Variants in NPAS2 observed in about 807,000 individuals in gnomAD.
NPAS2 encodes neuronal PAS domain-containing protein 2.
NPAS2 carries 23 observed loss-of-function variants against 107.5 expected under a neutral mutation model. The observed-to-expected ratio is 0.21, with a 90% CI of 0.15 to 0.30. NPAS2 has a LOEUF of 0.30. Among genes scored for constraint, NPAS2 ranks in the 10% least tolerant of loss-of-function variants. NPAS2 has a pLI of 1.00. For missense variants in NPAS2, 756 were observed against 1,043.3 expected, an observed-to-expected ratio of 0.72 and a Z score of 3.79; for synonymous variants, 403 against 417.5, an observed-to-expected ratio of 0.97 and a Z score of 0.42.
At chr2:100,829,381 G>C (rs190347236) in intron 1 of NPAS2, among the ~76,000 whole-genome samples, 13 of 152,202 alleles carry the variant, frequency 8.5e-5, no homozygotes, top group African/African-American at 3.1e-4. Context: ...TCGAACTCCT[G>C]ACCTCAAGTG....
chr2:100,878,179 G>A, intron 1 of NPAS2: 1 of 985,418 alleles, frequency 1.0e-6, no homozygotes, highest in Non-Finnish European at 1.2e-6. Context: ...AGTGCGTGTG[G>A]CCGTGCAAGG....
intron 4 of NPAS2, among the ~76,000 whole-genome samples, chr2:100,937,153 G>C (rs76818222): frequency 2.0e-5 from 3 of 152,084 alleles, no homozygotes; most frequent in African/African-American, 7.2e-5. Flanking sequence ...AAATGCTTAC[G>C]GATCCAGTTG....
At chr2:100,885,140 T>C (rs1048204364) in intron 1 of NPAS2, among the ~76,000 whole-genome samples, 3 of 152,038 alleles carry the variant, frequency 2.0e-5, no homozygotes, top group East Asian at 1.9e-4. Flanking sequence ...TTAGTAGAGA[T>C]GGGGTTTCAC....
rs374684990 is a variant in NPAS2 at position 100,881,966 on chromosome 2, G to A, written c.-22-22767G>A. On this transcript the variant is annotated intron_variant, in intron 1 of 20. Coordinates refer to ENST00000335681, the MANE Select transcript of NPAS2 (RefSeq NM_002518.4). Reference sequence around the variant, plus strand: ...CAGTGCCCTGCCCGGAGCCCAGGCTGGGTAATTATTGGGTATGCTGAAACT... The same window carrying A: ...CAGTGCCCTGCCCGGAGCCCAGGCTAGGTAATTATTGGGTATGCTGAAACT... 1.4e-4 allele frequency among the ~76,000 whole-genome samples: 22 copies of A among 152,348 alleles called. 1 individual carries two copies. The South Asian group carries it at 3.9e-3, about 27-fold the overall frequency.
rs188670635 is a variant in NPAS2 at position 100,914,857 on chromosome 2, G to A, written c.32+10071G>A. Among the ~76,000 whole-genome samples, 21 of 152,328 alleles carry A rather than the reference G, an allele frequency of 1.4e-4. No individual in the cohort carries two copies. The East Asian group carries it at 3.3e-3, about 24-fold the overall frequency. On this transcript the variant is annotated intron_variant, in intron 2 of 20. Transcript: ENST00000335681. ...CAGAATGCATGAAACAGCCATTTGA[G>A]GACCCTGAAGAGTAAATAGTAGGGT...
At chr2:100,893,693 A>G (rs1305828640) in intron 1 of NPAS2, among the ~76,000 whole-genome samples, 1 of 152,226 alleles carries the variant, frequency 6.6e-6, no homozygotes, top group African/African-American at 2.4e-5. Context: ...ATTCTTTAAC[A>G]TGGTTTGGCA....
chr2:100,907,489 A>AACAC (rs55951417), intron 2 of NPAS2, among the ~76,000 whole-genome samples: 54,928 of 144,514 alleles, frequency 0.38, 11,623 homozygotes, highest in Non-Finnish European at 0.51. Context: ...AACACTTGGG[A>AACAC]ACACACACAC....
chr2:100,901,066 A>T (rs1681740051), intron 1 of NPAS2, among the ~76,000 whole-genome samples: 1 of 152,032 alleles, frequency 6.6e-6, no homozygotes, highest in African/African-American at 2.4e-5. Flanking sequence ...ACATTTATTA[A>T]TTGGAATCTT....
chr2:100,857,507 G>A (rs1678654344), intron 1 of NPAS2, among the ~76,000 whole-genome samples: 1 of 152,122 alleles, frequency 6.6e-6, no homozygotes, highest in Non-Finnish European at 1.5e-5. Context: ...ATGTGGCCAT[G>A]GGGCTTCCTG....
chr2:100,955,052 AT>A (rs1675488159), intron 7 of NPAS2, among the ~76,000 whole-genome samples: 1 of 151,852 alleles, frequency 6.6e-6, no homozygotes, highest in African/African-American at 2.4e-5. Flanking sequence ...TAATTTTTGT[AT>A]TTTTAGTAGA....
At chr2:100,952,421 G>A (rs948168598) in intron 7 of NPAS2, among the ~76,000 whole-genome samples, 2 of 151,332 alleles carry the variant, frequency 1.3e-5, no homozygotes, top group South Asian at 2.1e-4. Context: ...AAAATTAGCC[G>A]GGCATGATGG....
Position 100,976,960 on chromosome 2 carries a change from T to G in NPAS2, c.1393-750T>G, listed in dbSNP as rs982074961. 5 of 152,084 alleles carry G rather than the reference T, an allele frequency of 3.3e-5. No homozygotes were observed. The highest frequency in any genetic ancestry group is 9.7e-5 in the African/African-American group (4 of 41,396). 9.4% of individuals were successfully genotyped at this position (152,084 alleles called of 1,614,324 possible). A position where few individuals can be genotyped will look rare whatever the true frequency, so the allele number is the denominator to read the frequency against. On this transcript the variant is annotated intron_variant, in intron 14 of 20. Coordinates refer to ENST00000335681, the MANE Select transcript of NPAS2 (RefSeq NM_002518.4). The surrounding 1 kb of genome is among the most constrained non-coding windows in gnomAD (Gnocchi z 4.1). ...GCTGTCCTGGGTGACACTTTCCATT[T>G]GAGCTGCTTTTTTATATAGGCCCTA...
chr2:100,886,774 G>A (rs1680727416), intron 1 of NPAS2, among the ~76,000 whole-genome samples: 1 of 152,154 alleles, frequency 6.6e-6, no homozygotes, highest in Non-Finnish European at 1.5e-5. Context: ...ATGAATTCAT[G>A]AACAAAGGCC....
chr2:100,919,710 C>A (rs1204751930), intron 2 of NPAS2, among the ~76,000 whole-genome samples: 1 of 152,182 alleles, frequency 6.6e-6, no homozygotes, highest in Non-Finnish European at 1.5e-5. Context: ...TGCCTCCCCA[C>A]CCTATCCTTT....
intron 1 of NPAS2, among the ~76,000 whole-genome samples, chr2:100,897,764 C>T (rs1488193014): frequency 1.3e-5 from 2 of 152,212 alleles, no homozygotes; most frequent in African/African-American, 4.8e-5. Flanking sequence ...ATTTGCTTGC[C>T]TGCAGTTTTC....
intron 5 of NPAS2, among the ~76,000 whole-genome samples, chr2:100,944,607 C>A (rs1488894307): frequency 6.6e-6 from 1 of 152,110 alleles, no homozygotes; most frequent in Non-Finnish European, 1.5e-5. Flanking sequence ...CCTGTAAGCA[C>A]TAGGGTTAAA....
At chr2:100,881,698 A>G (rs1680355362) in intron 1 of NPAS2, among the ~76,000 whole-genome samples, 1 of 151,958 alleles carries the variant, frequency 6.6e-6, no homozygotes, top group South Asian at 2.1e-4. Flanking sequence ...AAAAAAAAAA[A>G]GTGCTGCTGT....
At chr2:100,826,133 A>G (rs1217102721) in intron 1 of NPAS2, among the ~76,000 whole-genome samples, 1 of 152,186 alleles carries the variant, frequency 6.6e-6, no homozygotes, top group Non-Finnish European at 1.5e-5. Context: ...TTACATATAC[A>G]CACACATATG....
At chr2:100,909,569 C>T (rs778773188) in intron 2 of NPAS2, among the ~76,000 whole-genome samples, 4 of 152,206 alleles carry the variant, frequency 2.6e-5, no homozygotes, top group African/African-American at 9.6e-5. Context: ...GTGAGAACCC[C>T]GGGCCCTCAG....
Sources: gnomAD v4.1 joint callset for allele counts (sites outside exome capture counted in the v4.1 genomes callset) on GRCh38, gnomAD v4.1.1 for gene constraint, Gnocchi (gnomAD v3.1) non-coding constraint, MANE v1.5 for transcripts, NCBI Gene and HGNC (gene_info 2026-07-23, HGNC 2026-07-21) for gene names.